LTN1: variants seen among roughly 807,000 people sequenced by gnomAD.
The protein encoded by LTN1 is listerin E3 ubiquitin protein ligase 1, also known as E3 ubiquitin-protein ligase listerin.
A neutral mutation model predicts 201.2 loss-of-function variants in LTN1; 88 were observed. That is an observed-to-expected ratio of 0.44 (90% CI 0.37 to 0.52). LTN1 has a LOEUF of 0.52. LTN1 is among the 20% of genes least tolerant of loss of function. The pLI, the probability that LTN1 is intolerant of heterozygous loss-of-function variation, is 0.00. For missense variants in LTN1, 1,752 were observed against 2,038.7 expected, an observed-to-expected ratio of 0.86 and a Z score of 2.71; for synonymous variants, 645 against 713.5, an observed-to-expected ratio of 0.90 and a Z score of 1.53.
chr21:28,968,131 A>C (rs2084542030), intron 9 of LTN1, among the ~76,000 whole-genome samples: 1 of 152,234 alleles, frequency 6.6e-6, no homozygotes, highest in South Asian at 2.1e-4. Context: ...AGAACTCTGA[A>C]AAAGTTAACC....
intron 1 of LTN1, among the ~76,000 whole-genome samples, chr21:28,992,425 CCTT>C (rs555204164): frequency 0.012 from 1,873 of 152,312 alleles, 18 homozygotes; most frequent in South Asian, 0.019. Context: ...TCCCAACTCT[CCTT>C]CTTCCCAGCG....
At chr21:28,937,003 G>A (rs932687247) in intron 25 of LTN1, among the ~76,000 whole-genome samples, 3 of 152,026 alleles carry the variant, frequency 2.0e-5, no homozygotes, top group African/African-American at 7.3e-5. Context: ...TCAAATTCCT[G>A]CTTAAAACTA....
chr21:28,975,486 C>T (rs1235855413), intron 6 of LTN1, among the ~76,000 whole-genome samples: 3 of 152,132 alleles, frequency 2.0e-5, no homozygotes, highest in Admixed American at 2.0e-4. Flanking sequence ...TAGGGAGATA[C>T]AGAGTAAATA....
chr21:28,961,685 G>A (rs991182032), intron 11 of LTN1, among the ~76,000 whole-genome samples: 12 of 152,250 alleles, frequency 7.9e-5, no homozygotes, highest in South Asian at 2.1e-4. Flanking sequence ...TTTAATCAGC[G>A]TGGGCCTATC....
chr21:28,941,282 C>T lies in LTN1; in HGVS notation c.4420G>A (p.Val1474Ile). 6.2e-7 allele frequency: 1 copy of T among 1,613,308 alleles called. No homozygotes were observed. The highest frequency in any genetic ancestry group is 1.3e-5 in the African/African-American group (1 of 75,010). ...IKPLSEDFCY[V>I]LGYLLTWKLI... The stretch of plus-strand genomic sequence containing the variant: ...TTCCAAGTGAGAAGGTATCCCAGAA[C>T]ATAACAGAAGTCTTCACTCAGTGGT... Residue 1474 changes from valine (V) to isoleucine (I), a missense_variant, in exon 25 of 30, where the codon GTT becomes ATT. By Grantham distance (29) the Val-to-Ile change is conservative. Coordinates refer to ENST00000361371, the MANE Select transcript of LTN1 (RefSeq NM_015565.3).
chr21:28,960,458 C>A, intron 12 of LTN1, 59 bp downstream of exon 12: 1 of 1,340,166 alleles, frequency 7.5e-7, no homozygotes, highest in South Asian at 1.3e-5. Context: ...CCATGCAATC[C>A]CCCACAAAGG....
Position 28,946,274 on chromosome 21 carries a change from A to C in LTN1, c.3501T>G (p.His1167Gln). The C allele has an allele frequency of 6.3e-7, 1 of 1,577,316 alleles. No individual in the cohort carries two copies. Among genetic ancestry groups the C allele is most frequent in the East Asian group, 2.3e-5 (1 of 43,616 alleles). The change falls in exon 20 of 30, where the codon CAT becomes CAG. Residue 1167 changes from histidine (H) to glutamine (Q), a missense_variant. His to Gln is a conservative substitution (Grantham distance 24). This residue lies in a region of LTN1 where 1,211 missense variants were observed against 1,312.8 expected (regional missense o/e 0.92). Coordinates refer to ENST00000361371, the MANE Select transcript of LTN1 (RefSeq NM_015565.3). ...GCAGACAAGAATTGAAAATGGCAAG[A>C]TGTCCAAAACCTCCTAAAGTAAAAT... ...DLCSTNGGFG[H>Q]LAIFNSCLQT... is the part of the protein sequence containing the mutation.
chr21:28,985,751 A>G lies in LTN1; in HGVS notation c.345+388T>C, dbSNP rs940683475. 2.1e-5 allele frequency among the ~76,000 whole-genome samples: 3 copies of G among 145,654 alleles called. No individual in the cohort carries two copies. The Admixed American group carries it at 2.1e-4, about 10-fold the overall frequency. On this transcript the variant is annotated intron_variant, in intron 3 of 29. Transcript: ENST00000361371. Reference sequence around the variant, plus strand: ...CTTGGCTCACTGCAACCTCCGCCCCACCGGGTTCAAGCGATTTTCCTGCCT... The same window carrying G: ...CTTGGCTCACTGCAACCTCCGCCCCGCCGGGTTCAAGCGATTTTCCTGCCT...
In LTN1 at chr21:28,956,940, A is replaced by G. The variant is rs756093500; in HGVS notation, c.2901T>C (p.His967=). ...TCAATCTTCCCTCTAAAAGAGGTCTATGTAACCACTGTGAAAAGAATACGT... is the reference window on the plus strand; with the variant it reads ...TCAATCTTCCCTCTAAAAGAGGTCTGTGTAACCACTGTGAAAAGAATACGT... The part of the protein sequence containing the change: ...MRQSLPMQWL[H]RPLLEGRLSL... The change falls in exon 16 of 30, where the codon CAT becomes CAC. Residue 967 remains histidine, a synonymous_variant. Coordinates refer to ENST00000361371, the MANE Select transcript of LTN1 (RefSeq NM_015565.3). The G allele has an allele frequency of 1.9e-6, 3 of 1,581,892 alleles. No individual in the cohort carries two copies. Among genetic ancestry groups the G allele is most frequent in the East Asian group, 4.5e-5 (2 of 44,224 alleles).
intron 17 of LTN1, among the ~76,000 whole-genome samples, 165 bp downstream of exon 17, chr21:28,953,052 A>G (rs1326265233): frequency 2.0e-5 from 3 of 152,206 alleles, no homozygotes; most frequent in Admixed American, 6.5e-5. Context: ...AGAAGGTTAA[A>G]TCAAGTATTT....
At position 28,986,269 on chromosome 21, in the gene LTN1, A is replaced by C; in HGVS notation, c.247-32T>G. 1 of 1,245,934 alleles carries C rather than the reference A, an allele frequency of 8.0e-7. No homozygotes were observed. The allele number at this position is 1,245,934 out of a possible 1,614,324, so 77.2% of individuals were successfully genotyped here. A position where few individuals can be genotyped will look rare whatever the true frequency, so the allele number is the denominator to read the frequency against. On this transcript the variant is annotated intron_variant, in intron 2 of 29. Transcript: ENST00000361371. This position sits in a 1 kb window ranked among gnomAD's most constrained non-coding sequence, Gnocchi z 4.1. ...GTAAGTTATTAACATCATTAGGATT[A>C]ACAACCATAATAACTGGCTATAGAT...
intron 6 of LTN1, among the ~76,000 whole-genome samples, chr21:28,971,910 C>T (rs759229834): frequency 1.3e-4 from 20 of 152,038 alleles, no homozygotes; most frequent in Non-Finnish European, 1.9e-4. Context: ...CAGAGCAGAT[C>T]GGAAAAAGAT....
rs560301845 is a variant in LTN1 at position 28,932,488 on chromosome 21, G to A, written c.5052C>T (p.Ser1684=). The A allele has an allele frequency of 5.1e-5, 82 of 1,613,668 alleles. No individual in the cohort carries two copies. The South Asian group carries it at 8.5e-4, about 17-fold the overall frequency. Residue 1684 remains serine (S), a synonymous_variant, in exon 28 of 30, where the codon AGC becomes AGT. Transcript: ENST00000361371. ...QQWRNWMLQL[S]TYLTHQNGSI... is the part of the protein sequence containing the mutation. ...AACTTACCTGATGGGTGAGGTAAGT[G>A]CTTAACTGCAGCATCCAGTTCCGCC...
Position 28,966,658 on chromosome 21 carries a change from C to T in LTN1, c.1833G>A (p.Glu611=), listed in dbSNP as rs2084526392. The change falls in exon 10 of 30, where the codon GAG becomes GAA. Residue 611 remains glutamate, a synonymous_variant. Coordinates refer to ENST00000361371, the MANE Select transcript of LTN1 (RefSeq NM_015565.3). ...GAGTAGAAAGAAACCTTAGATGTTG[C>T]TCTGACTTTCGTTCATTGACATAAT... ...SINYVNERKS[E]QHLRFLSTLL... The T allele has an allele frequency of 6.2e-7, 1 of 1,613,972 alleles. No homozygotes were observed. The highest frequency in any genetic ancestry group is 1.7e-5 in the Admixed American group (1 of 59,994).
At chr21:28,937,603 T>C (rs1167511793) in intron 25 of LTN1, among the ~76,000 whole-genome samples, 2 of 152,180 alleles carry the variant, frequency 1.3e-5, no homozygotes, top group Non-Finnish European at 2.9e-5. Flanking sequence ...TTTTAAAATA[T>C]GTTGACCAAA....
chr21:28,969,590 T>C lies in LTN1; in HGVS notation c.1187A>G (p.Glu396Gly). 6.2e-7 allele frequency: 1 copy of C among 1,600,444 alleles called. No homozygotes were observed. The highest frequency in any genetic ancestry group is 8.5e-7 in the Non-Finnish European group (1 of 1,174,994). The part of the protein sequence containing the change: ...LTSLVAGLST[E>G]RTKTSSLESS... ...CTCTAAAGAGCTGGTTTTAGTTCTC[T>C]CTGTTGACAGCCTAAGAAATAATTA... Residue 396 changes from glutamate to glycine, a missense_variant, in exon 9 of 30, where the codon GAG becomes GGG. By Grantham distance (98) the Glu-to-Gly change is moderately conservative. This residue lies in a region of LTN1 where 1,211 missense variants were observed against 1,312.8 expected (regional missense o/e 0.92). Transcript: ENST00000361371.
rs775937604 is a variant in LTN1, at chr21:28,960,619, A to C, written c.2251T>G (p.Cys751Gly). The change falls in exon 12 of 30, where the codon TGT becomes GGT. Residue 751 changes from cysteine to glycine, a missense_variant. Cys to Gly is a radical substitution (Grantham distance 159). This residue lies in a region of LTN1 where 1,211 missense variants were observed against 1,312.8 expected (regional missense o/e 0.92). Coordinates refer to ENST00000361371, the MANE Select transcript of LTN1 (RefSeq NM_015565.3). The part of the protein sequence containing the change: ...LGEKLVNLAD[C>G]LCNEDLESRV... ...GATTCCAAGTCCTCATTACAAAGACAATCTGCCAAGTTGACCAATTTCTCA... is the reference window on the plus strand; with the variant it reads ...GATTCCAAGTCCTCATTACAAAGACCATCTGCCAAGTTGACCAATTTCTCA... 2.5e-6 allele frequency: 4 copies of C among 1,613,908 alleles called. No homozygotes were observed. Among genetic ancestry groups the C allele is most frequent in the Middle Eastern group, 1.6e-4 (1 of 6,084 alleles).
chr21:28,949,622 A>G (rs1216094292), intron 18 of LTN1, among the ~76,000 whole-genome samples: 1 of 152,186 alleles, frequency 6.6e-6, no homozygotes, highest in African/African-American at 2.4e-5. Context: ...TATTTCACTC[A>G]GCATAATGTC....
At chr21:28,958,668 T>G in intron 13 of LTN1, 129 bp from the exon 14 acceptor site, 1 of 613,958 alleles carries the variant, frequency 1.6e-6, no homozygotes, top group Non-Finnish European at 2.7e-6. Context: ...AATTTTAAAT[T>G]GCCATTCAAA....
Sources: allele counts gnomAD v4.1 joint callset (sites outside exome capture counted in the v4.1 genomes callset), GRCh38; gene constraint gnomAD v4.1.1; regional missense constraint gnomAD v4.1.1; non-coding constraint Gnocchi (gnomAD v3.1); transcripts MANE v1.5; gene names NCBI Gene and HGNC (gene_info 2026-07-23, HGNC 2026-07-21).